COL26A1: variants seen among roughly 807,000 people sequenced by gnomAD.
COL26A1 encodes the protein collagen alpha-1(XXVI) chain.
In COL26A1, 41 loss-of-function variants were observed where a neutral mutation model predicts 59.3. The ratio of observed to expected loss-of-function variants is 0.69; its 90% CI spans 0.54 to 0.90. The LOEUF is 0.90. Ranked by LOEUF, COL26A1 falls within the 40% of genes least tolerant of loss-of-function variation. The pLI, the probability that COL26A1 is intolerant of heterozygous loss-of-function variation, is 0.00. For missense variants in COL26A1, 612 were observed against 602.3 expected (o/e 1.02, Z -0.17); for synonymous variants, 266 against 256.0 (o/e 1.04, Z -0.37).
At chr7:101,375,187 T>C (rs1472704996) in intron 1 of COL26A1, among the ~76,000 whole-genome samples, 3 of 152,214 alleles carry the variant, frequency 2.0e-5, no homozygotes, top group Non-Finnish European at 4.4e-5. Context: ...GCCCTCTCTA[T>C]GCCTCAGTCA....
intron 1 of COL26A1, among the ~76,000 whole-genome samples, chr7:101,419,370 C>T (rs920643273): frequency 6.6e-6 from 1 of 152,070 alleles, no homozygotes. Context: ...CCTCAGCCTC[C>T]TAAAGTGCTA....
chr7:101,378,918 T>A (rs1269114639), intron 1 of COL26A1, among the ~76,000 whole-genome samples: 1 of 152,032 alleles, frequency 6.6e-6, no homozygotes, highest in East Asian at 1.9e-4. Context: ...GCAGGATGTC[T>A]GCGGCTGTGC....
intron 3 of COL26A1, among the ~76,000 whole-genome samples, chr7:101,510,041 T>TTTTTTTTTTTA (rs1563019347): frequency 6.7e-6 from 1 of 150,042 alleles, no homozygotes; most frequent in African/African-American, 2.5e-5. Context: ...TTTTTTTTTT[T>TTTTTTTTTTTA]AAGAGGGTCT....
intron 1 of COL26A1, among the ~76,000 whole-genome samples, chr7:101,379,502 A>G (rs1791397382): frequency 6.6e-6 from 1 of 152,100 alleles, no homozygotes; most frequent in Non-Finnish European, 1.5e-5. Context: ...CTCACCCTCC[A>G]GATCCTTCCT....
chr7:101,380,595 A>G (rs10267802), intron 1 of COL26A1, among the ~76,000 whole-genome samples: 9,726 of 151,948 alleles, frequency 0.064, 730 homozygotes, highest in African/African-American at 0.17. Context: ...ACTTTACTCT[A>G]TGGACTTGCC....
chr7:101,539,278 CTGTG>C (rs771877127), intron 4 of COL26A1, among the ~76,000 whole-genome samples: 9 of 142,250 alleles, frequency 6.3e-5, no homozygotes, highest in African/African-American at 1.4e-4. Flanking sequence ...CCTTTTCTGT[CTGTG>C]TGTGTGTGTG....
intron 3 of COL26A1, among the ~76,000 whole-genome samples, chr7:101,514,693 G>A (rs1418135615): frequency 1.3e-5 from 2 of 152,192 alleles, no homozygotes; most frequent in Admixed American, 6.5e-5. Flanking sequence ...TGGCTGCAGC[G>A]CCTGGGCCCA....
intron 2 of COL26A1, among the ~76,000 whole-genome samples, chr7:101,444,009 C>G (rs897319971): frequency 1.3e-5 from 2 of 151,606 alleles, no homozygotes; most frequent in Non-Finnish European, 2.9e-5. Flanking sequence ...GTAGCTGGGA[C>G]TACAGGTGTG....
intron 3 of COL26A1, among the ~76,000 whole-genome samples, chr7:101,454,496 T>A (rs766085214): frequency 2.6e-5 from 4 of 152,096 alleles, no homozygotes; most frequent in Non-Finnish European, 5.9e-5. Flanking sequence ...TGACCTCAGA[T>A]GATCCACCCA....
In COL26A1 at chr7:101,498,480, A is replaced by G. The variant is rs192740734; in HGVS notation, c.386-34602A>G. Among the ~76,000 whole-genome samples, 1,108 of 152,246 alleles carry G rather than the reference A, an allele frequency of 7.3e-3. 13 individuals carry two copies. Among genetic ancestry groups the G allele is most frequent in the Non-Finnish European group, 6.9e-3 (471 of 68,010 alleles). ...ACAGCCCGCAGAGTGTGGCATGAGC[A>G]CTGCGCAAGAATTGGGAGCCCCGGT... On this transcript the variant is annotated intron_variant, in intron 3 of 12. Coordinates refer to ENST00000313669, the MANE Select transcript of COL26A1 (RefSeq NM_001278563.3).
At chr7:101,538,782 T>C (rs1400997683) in intron 4 of COL26A1, among the ~76,000 whole-genome samples, 1 of 152,130 alleles carries the variant, frequency 6.6e-6, no homozygotes. Context: ...CAGGCCACTT[T>C]GTCCCCAGGG....
intron 1 of COL26A1, among the ~76,000 whole-genome samples, chr7:101,387,752 A>G (rs1377750789): frequency 1.0e-4 from 9 of 88,970 alleles, no homozygotes; most frequent in Non-Finnish European, 1.7e-4. Flanking sequence ...ATATATATAT[A>G]TTTATATATA....
intron 1 of COL26A1, among the ~76,000 whole-genome samples, chr7:101,394,873 T>C (rs946159211): frequency 9.8e-4 from 136 of 138,544 alleles, no homozygotes; most frequent in African/African-American, 3.0e-3. Context: ...TCTTTTCTTT[T>C]TTTTTTTTTT....
chr7:101,404,971 C>T (rs1792093353), intron 1 of COL26A1, among the ~76,000 whole-genome samples: 1 of 152,084 alleles, frequency 6.6e-6, no homozygotes, highest in Admixed American at 6.5e-5. Flanking sequence ...TGCCTATGAT[C>T]CCAGCACTTT....
intron 3 of COL26A1, among the ~76,000 whole-genome samples, chr7:101,489,710 T>TTTTTCTTTCTTTCTTTCG (rs1563007571): frequency 1.1e-5 from 1 of 90,282 alleles, no homozygotes; most frequent in South Asian, 3.8e-4. Flanking sequence ...TCTTTCTTTC[T>TTTTTCTTTCTTTCTTTCG]TTCATTCTTT....
intron 2 of COL26A1, among the ~76,000 whole-genome samples, chr7:101,445,319 A>G (rs1235552812): frequency 6.6e-6 from 1 of 152,098 alleles, no homozygotes; most frequent in East Asian, 1.9e-4. Flanking sequence ...GTAATTTATA[A>G]AGAAAAGTTT....
chr7:101,379,730 GCCAAAACCCA>G (rs1328335432), intron 1 of COL26A1, among the ~76,000 whole-genome samples: 2 of 152,104 alleles, frequency 1.3e-5, no homozygotes, highest in East Asian at 1.9e-4. Context: ...AAAAAAGCCG[GCCAAAACCCA>G]CCAAAACCAA....
chr7:101,445,821 G>A (rs1294666907), intron 2 of COL26A1, among the ~76,000 whole-genome samples: 11 of 150,990 alleles, frequency 7.3e-5, no homozygotes, highest in African/African-American at 2.4e-4. Context: ...AGGCCGAGGT[G>A]GGCGGATCAC....
intron 5 of COL26A1, among the ~76,000 whole-genome samples, chr7:101,541,299 A>G (rs1421685710): frequency 6.6e-6 from 1 of 152,126 alleles, no homozygotes; most frequent in African/African-American, 2.4e-5. Flanking sequence ...GAATTGGAGG[A>G]CATCTGCCCC....
Sources: allele counts gnomAD v4.1 joint callset (sites outside exome capture counted in the v4.1 genomes callset), GRCh38; gene constraint gnomAD v4.1.1; transcripts MANE v1.5; gene names NCBI Gene and HGNC (gene_info 2026-07-23, HGNC 2026-07-21).